The following PLEKHA5 variants were observed in gnomAD, a reference collection of about 807,000 sequenced individuals.
The protein encoded by PLEKHA5 is pleckstrin homology domain-containing family A member 5.
A neutral mutation model predicts 181.9 loss-of-function variants in PLEKHA5; 55 were observed. That is an observed-to-expected ratio of 0.30 (90% CI 0.24 to 0.38). PLEKHA5 has a LOEUF of 0.38. Among genes scored for constraint, PLEKHA5 ranks in the 10% least tolerant of loss-of-function variants. The probability of loss-of-function intolerance (pLI) is 1.00; values close to 1 mark genes in which losing one functional copy is unlikely to be tolerated. For missense variants in PLEKHA5, 1,432 were observed against 1,549.5 expected, an observed-to-expected ratio of 0.92 and a Z score of 1.27; for synonymous variants, 535 against 529.4, an observed-to-expected ratio of 1.01 and a Z score of -0.15.
chr12:19,236,734 G>C (rs1356702477), intron 3 of PLEKHA5, among the ~76,000 whole-genome samples: 1 of 152,110 alleles, frequency 6.6e-6, no homozygotes, highest in South Asian at 2.1e-4. Context: ...AATTTTAAGG[G>C]AATTGAAATC....
intron 21 of PLEKHA5, among the ~76,000 whole-genome samples, chr12:19,339,134 A>G (rs1186322336): frequency 1.3e-5 from 2 of 150,598 alleles, no homozygotes; most frequent in Non-Finnish European, 3.0e-5. Context: ...TCCGCCTCTC[A>G]TGTTGAAGTG....
At chr12:19,327,539 G>A (rs1260587917) in intron 20 of PLEKHA5, among the ~76,000 whole-genome samples, 2 of 151,452 alleles carry the variant, frequency 1.3e-5, no homozygotes, top group East Asian at 1.9e-4. Flanking sequence ...CTCTCATTCT[G>A]TAGGCTGTTT....
intron 3 of PLEKHA5, among the ~76,000 whole-genome samples, chr12:19,140,938 C>T (rs957071013): frequency 1.3e-5 from 2 of 152,058 alleles, no homozygotes; most frequent in African/African-American, 4.8e-5. Flanking sequence ...ACAGGTGGCC[C>T]GCCACTACGC....
intron 3 of PLEKHA5, among the ~76,000 whole-genome samples, chr12:19,156,459 A>G (rs1357557074): frequency 2.0e-5 from 3 of 152,084 alleles, no homozygotes; most frequent in African/African-American, 7.2e-5. Flanking sequence ...AAAGTTCAGT[A>G]TGCCACTTAG....
chr12:19,225,220 ACTG>A (rs2059527365), intron 3 of PLEKHA5, among the ~76,000 whole-genome samples: 1 of 152,076 alleles, frequency 6.6e-6, no homozygotes. Context: ...CGGCCACAAA[ACTG>A]CTCCTTTTTA....
intron 15 of PLEKHA5, among the ~76,000 whole-genome samples, chr12:19,314,567 A>G (rs529362899): frequency 3.3e-5 from 5 of 152,250 alleles, no homozygotes; most frequent in African/African-American, 1.2e-4. Context: ...TCATGATTAT[A>G]TGTATGAAGT....
chr12:19,265,685 A>G, intron 7 of PLEKHA5, 65 bp from the exon 8 acceptor site: 1 of 898,816 alleles, frequency 1.1e-6, no homozygotes, highest in Non-Finnish European at 1.8e-6. Context: ...GCAAAAATAG[A>G]TCTTGAAAAA....
intron 30 of PLEKHA5, 61 bp from the exon 31 acceptor site, chr12:19,369,632 T>G (rs548379920): frequency 1.0e-6 from 1 of 979,812 alleles, no homozygotes; most frequent in African/African-American, 1.6e-5. Context: ...GCATCAGGAT[T>G]TACTTCTCCA....
chr12:19,320,601 A>C lies in PLEKHA5; in HGVS notation c.2194A>C (p.Arg732=), dbSNP rs2090393863. 6.6e-7 allele frequency: 1 copy of C among 1,507,744 alleles called. No homozygotes were observed. Among genetic ancestry groups the C allele is most frequent in the South Asian group, 1.2e-5 (1 of 85,072 alleles). The allele number at this position is 1,507,744 out of a possible 1,614,324, so 93.4% of individuals were successfully genotyped here. A position where few individuals can be genotyped will look rare whatever the true frequency, so the allele number is the denominator to read the frequency against. The change falls in exon 18 of 32, where the codon AGA becomes CGA. Residue 732 remains arginine, a synonymous_variant. Coordinates refer to ENST00000429027, the MANE Select transcript of PLEKHA5 (RefSeq NM_001256470.2). The stretch of plus-strand genomic sequence containing the variant: ...AGGTAGAGGCACATTATACAAATAC[A>C]GACCTGAAGAAGTAGATATTGATGT... ...DEGRGTLYKY[R]PEEVDIDAKL... is the part of the protein sequence containing the mutation.
chr12:19,226,142 G>A (rs190810433), intron 3 of PLEKHA5, among the ~76,000 whole-genome samples: 1 of 152,086 alleles, frequency 6.6e-6, no homozygotes. Context: ...TCTGCTTTCT[G>A]TCTCTATGGA....
At chr12:19,224,580 ATAAGTT>A (rs566212591) in intron 3 of PLEKHA5, among the ~76,000 whole-genome samples, 278 of 152,318 alleles carry the variant, frequency 1.8e-3, no homozygotes, top group Middle Eastern at 6.8e-3. Context: ...GTTGCATAAA[ATAAGTT>A]TAAATGGCCT....
chr12:19,230,302 A>G (rs1326325504), intron 3 of PLEKHA5, among the ~76,000 whole-genome samples: 1 of 152,200 alleles, frequency 6.6e-6, no homozygotes, highest in African/African-American at 2.4e-5. Context: ...GGCTTCACCT[A>G]GTGGATCCCG....
At chr12:19,138,687 C>G (rs971900294) in intron 3 of PLEKHA5, among the ~76,000 whole-genome samples, 1 of 151,964 alleles carries the variant, frequency 6.6e-6, no homozygotes, top group African/African-American at 2.4e-5. Context: ...TGAGCTAGGC[C>G]TGAGGGTATA....
intron 20 of PLEKHA5, among the ~76,000 whole-genome samples, chr12:19,334,832 ATATATATATAT>A (rs2093236189): frequency 2.4e-4 from 6 of 25,372 alleles, no homozygotes; most frequent in African/African-American, 6.9e-4. Flanking sequence ...AAAAAAAAAT[ATATATATATAT>A]ATATATATAT....
At chr12:19,369,008 G>A (rs1439777482) in intron 30 of PLEKHA5, among the ~76,000 whole-genome samples, 2 of 151,662 alleles carry the variant, frequency 1.3e-5, no homozygotes, top group Non-Finnish European at 2.9e-5. Context: ...AAAATGTAAA[G>A]TATTTTTTTT....
Position 19,283,680 on chromosome 12 carries a change from G to T in PLEKHA5, c.1714G>T (p.Val572Leu), listed in dbSNP as rs151212057. Residue 572 changes from valine to leucine, a missense_variant, in exon 12 of 32, where the codon GTG becomes TTG. By Grantham distance (32) the Val-to-Leu change is conservative. Coordinates refer to ENST00000429027, the MANE Select transcript of PLEKHA5 (RefSeq NM_001256470.2). ...YSPQRTYRSE[V>L]SSPIQRGDVT... ...CCCTCAACGAACTTACAGATCGGAA[G>T]TGTCTTCACCAATTCAGAGAGGAGA... 1.9e-6 allele frequency: 3 copies of T among 1,614,048 alleles called. No individual in the cohort carries two copies. The South Asian group carries it at 3.3e-5, about 18-fold the overall frequency.
intron 15 of PLEKHA5, among the ~76,000 whole-genome samples, chr12:19,307,736 A>G (rs2084572191): frequency 6.6e-6 from 1 of 152,034 alleles, no homozygotes; most frequent in Non-Finnish European, 1.5e-5. Flanking sequence ...GCACATCAAA[A>G]ACGAGAGACA....
chr12:19,195,216 A>T (rs1256893914), intron 3 of PLEKHA5, among the ~76,000 whole-genome samples: 1 of 152,122 alleles, frequency 6.6e-6, no homozygotes, highest in Non-Finnish European at 1.5e-5. Context: ...CACTGCTAGC[A>T]CATGTGCCTG....
intron 3 of PLEKHA5, among the ~76,000 whole-genome samples, chr12:19,215,632 T>C (rs1047276985): frequency 8.5e-5 from 13 of 152,210 alleles, no homozygotes; most frequent in Non-Finnish European, 1.9e-4. Context: ...AGAGCCCTGT[T>C]CTACTCTGAG....
Sources: allele counts gnomAD v4.1 joint callset (sites outside exome capture counted in the v4.1 genomes callset), GRCh38; gene constraint gnomAD v4.1.1; transcripts MANE v1.5; gene names NCBI Gene and HGNC (gene_info 2026-07-23, HGNC 2026-07-21).